Variants in COL22A1 observed in about 807,000 individuals in gnomAD.
The protein encoded by COL22A1 is collagen type XXII alpha 1 chain, also known as collagen alpha-1(XXII) chain.
Under a neutral mutation model 248.9 loss-of-function variants are expected in COL22A1, and 221 were observed. That is an observed-to-expected ratio of 0.89 (90% CI 0.80 to 0.99). The LOEUF (loss-of-function observed/expected upper bound fraction) is 0.99, where lower values mean the gene tolerates loss of function less well. Among genes scored for constraint, COL22A1 ranks in the 50% least tolerant of loss-of-function variants. The probability of loss-of-function intolerance (pLI) is 0.00; values close to 1 mark genes in which losing one functional copy is unlikely to be tolerated. For synonymous variants in COL22A1, 891 were observed against 793.4 expected (o/e 1.12, Z -2.07); for missense variants, 2,240 against 2,179.0 (o/e 1.03, Z -0.56).
rs1439601697 is a variant in COL22A1 at position 138,613,912 on chromosome 8, A to G, written c.3933T>C (p.Thr1311=). 1.9e-6 allele frequency: 3 copies of G among 1,612,870 alleles called. No homozygotes were observed. Among genetic ancestry groups the G allele is most frequent in the Admixed American group, 3.3e-5 (2 of 60,008 alleles). Residue 1311 remains threonine (T), a synonymous_variant, in exon 56 of 65, where the codon ACT becomes ACC. Transcript: ENST00000303045. ...QEGLPGKDGD[T]GPTGPQGPQG... ...GGGGACCCTGTGGCCCAGTGGGTCC[A>G]GTGTCACCCTGGAACAAAGACAGAG...
At chr8:138,910,469 C>T (rs1217727862) in intron 1 of COL22A1, among the ~76,000 whole-genome samples, 1 of 152,192 alleles carries the variant, frequency 6.6e-6, no homozygotes. Context: ...TCTCAAAATG[C>T]AGTTCCGGCA....
intron 22 of COL22A1, among the ~76,000 whole-genome samples, chr8:138,738,559 C>G (rs987296786): frequency 2.6e-5 from 4 of 152,188 alleles, no homozygotes; most frequent in African/African-American, 9.6e-5. Flanking sequence ...TGATCCTTTC[C>G]TAATTTACTC....
chr8:138,616,849 C>T, intron 54 of COL22A1, 65 bp downstream of exon 54: 1 of 1,586,934 alleles, frequency 6.3e-7, no homozygotes, highest in Non-Finnish European at 8.6e-7. Context: ...CTGCAAGTAT[C>T]TTCTGTCTGG....
intron 36 of COL22A1, among the ~76,000 whole-genome samples, 169 bp downstream of exon 36, chr8:138,690,652 G>C (rs890860878): frequency 2.0e-5 from 3 of 152,160 alleles, no homozygotes; most frequent in East Asian, 3.9e-4. Context: ...GGGCTCAGGT[G>C]TGTGAACTTT....
rs559519347 is a variant in COL22A1 at position 138,778,380 on chromosome 8, G to C, written c.1731C>G (p.Pro577=). The C allele has an allele frequency of 1.2e-6, 2 of 1,610,484 alleles. No homozygotes were observed. Among genetic ancestry groups the C allele is most frequent in the South Asian group, 2.2e-5 (2 of 90,282 alleles). Residue 577 remains proline (P), a synonymous_variant, in exon 15 of 65, where the codon CCC becomes CCG. Transcript: ENST00000303045. ...MRGPQGPPGL[P]GPPGRVGAPG... ...GAGCTCCGACACGTCCAGGAGGTCC[G>C]GGGAGTCCAGGTGGTCCTTGGGGCC...
intron 27 of COL22A1, 131 bp downstream of exon 27, chr8:138,720,608 A>C (rs1829798601): frequency 1.3e-6 from 1 of 767,802 alleles, no homozygotes; most frequent in South Asian, 1.5e-5. Context: ...CTTTTCAAGT[A>C]TCTGATGTGT....
chr8:138,893,964 G>A (rs538516932), intron 1 of COL22A1, among the ~76,000 whole-genome samples: 62 of 152,290 alleles, frequency 4.1e-4, no homozygotes, highest in African/African-American at 1.2e-3. Context: ...AAAGATGAGT[G>A]GGAAGTAGGC....
At chr8:138,604,807 T>C (rs1335894652) in intron 58 of COL22A1, 38 bp from the exon 59 acceptor site, 3 of 1,537,242 alleles carry the variant, frequency 2.0e-6, no homozygotes, top group African/African-American at 1.3e-5. Context: ...CTCTGCAGCA[T>C]CAGCCCAATG....
At chr8:138,849,272 T>A (rs774252811) in intron 3 of COL22A1, among the ~76,000 whole-genome samples, 1 of 152,204 alleles carries the variant, frequency 6.6e-6, no homozygotes, top group African/African-American at 2.4e-5. Context: ...GCTGGAAGGA[T>A]GTAGTTATCT....
intron 47 of COL22A1, among the ~76,000 whole-genome samples, chr8:138,638,007 C>G (rs1186930830): frequency 6.6e-6 from 1 of 152,028 alleles, no homozygotes; most frequent in Non-Finnish European, 1.5e-5. Context: ...TAATGATCAA[C>G]AACACCATGA....
In COL22A1 at chr8:138,755,470, T is replaced by C. The variant is rs762879474; in HGVS notation, c.1977+12A>G. 1.9e-6 allele frequency: 3 copies of C among 1,611,058 alleles called. No homozygotes were observed. The South Asian group carries it at 3.3e-5, about 18-fold the overall frequency. ...TAAATCCCCATGAGAAGAAGACGCG[T>C]GTGCCTCTTACCTGTTCCCCTTTCA... On this transcript the variant is annotated intron_variant, in intron 20 of 64. Transcript: ENST00000303045.
chr8:138,912,848 C>T (rs1815551340), intron 1 of COL22A1, among the ~76,000 whole-genome samples: 1 of 152,166 alleles, frequency 6.6e-6, no homozygotes, highest in Non-Finnish European at 1.5e-5. Context: ...TGGAACAGGC[C>T]GGCAGGCGGT....
chr8:138,875,566 T>A (rs1823653780), intron 3 of COL22A1, among the ~76,000 whole-genome samples: 1 of 152,234 alleles, frequency 6.6e-6, no homozygotes, highest in African/African-American at 2.4e-5. Context: ...ATTGAATTTC[T>A]ACTTCTTAGC....
intron 27 of COL22A1, among the ~76,000 whole-genome samples, chr8:138,720,444 G>T (rs969270453): frequency 6.6e-6 from 1 of 151,908 alleles, no homozygotes; most frequent in East Asian, 1.9e-4. Context: ...GGCTCTTTCC[G>T]GCTCTCGTGG....
chr8:138,634,385 G>A (rs1031580942), intron 49 of COL22A1, among the ~76,000 whole-genome samples: 5 of 152,212 alleles, frequency 3.3e-5, no homozygotes, highest in African/African-American at 1.2e-4. Context: ...GACTGGTCCT[G>A]GGCTTGGCAG....
At chr8:138,660,955 GAC>G (rs533272333) in intron 43 of COL22A1, among the ~76,000 whole-genome samples, 284 of 27,044 alleles carry the variant, frequency 0.011, 3 homozygotes, top group Middle Eastern at 0.059. Flanking sequence ...TAAACACACA[GAC>G]ACACACGCAC....
intron 46 of COL22A1, among the ~76,000 whole-genome samples, chr8:138,647,469 G>T (rs1226699576): frequency 6.6e-6 from 1 of 152,222 alleles, no homozygotes; most frequent in African/African-American, 2.4e-5. Context: ...GAAAAAGTGT[G>T]CTGCACTAAG....
At chr8:138,766,464 G>A (rs1586689522) in intron 16 of COL22A1, among the ~76,000 whole-genome samples, 1 of 151,154 alleles carries the variant, frequency 6.6e-6, no homozygotes, top group African/African-American at 2.4e-5. Context: ...AGAGACAGAT[G>A]GAGACAGAGA....
intron 58 of COL22A1, among the ~76,000 whole-genome samples, chr8:138,605,851 C>G (rs921761104): frequency 1.3e-5 from 2 of 152,196 alleles, no homozygotes; most frequent in African/African-American, 4.8e-5. Context: ...CAAGGACAAG[C>G]TGGAGTGCAA....
Sources: gnomAD v4.1 joint callset for allele counts (sites outside exome capture counted in the v4.1 genomes callset) on GRCh38, gnomAD v4.1.1 for gene constraint, MANE v1.5 for transcripts, NCBI Gene and HGNC (gene_info 2026-07-23, HGNC 2026-07-21) for gene names.